Variants in PIK3C2G observed in about 807,000 individuals in gnomAD.
The protein encoded by PIK3C2G is phosphatidylinositol 3-kinase C2 domain-containing subunit gamma.
In PIK3C2G, 168 loss-of-function variants were observed where a neutral mutation model predicts 181.1. The ratio of observed to expected loss-of-function variants is 0.93; its 90% CI spans 0.82 to 1.05. PIK3C2G has a LOEUF of 1.05. Ranked by LOEUF, PIK3C2G falls within the 50% of genes least tolerant of loss-of-function variation. The probability of loss-of-function intolerance (pLI) is 0.00; values close to 1 mark genes in which losing one functional copy is unlikely to be tolerated. For missense variants in PIK3C2G, 1,869 were observed against 1,732.8 expected (o/e 1.08, Z -1.40); for synonymous variants, 573 against 592.2 (o/e 0.97, Z 0.47).
chr12:18,450,197 G>A (rs1287369616), intron 18 of PIK3C2G, among the ~76,000 whole-genome samples: 1 of 152,198 alleles, frequency 6.6e-6, no homozygotes, highest in Non-Finnish European at 1.5e-5. Context: ...CACAATCTCA[G>A]CTCACCGCAA....
At chr12:18,514,764 A>G (rs1942427490) in intron 24 of PIK3C2G, among the ~76,000 whole-genome samples, 1 of 151,920 alleles carries the variant, frequency 6.6e-6, no homozygotes, top group Non-Finnish European at 1.5e-5. Context: ...TCTGAGTAGG[A>G]CTTCCAACAC....
chr12:18,296,778 T>G (rs1949959124), intron 5 of PIK3C2G, among the ~76,000 whole-genome samples: 4 of 152,066 alleles, frequency 2.6e-5, no homozygotes, highest in Admixed American at 2.6e-4. Context: ...CCTGTCTGAT[T>G]TTAAATAATA....
chr12:18,411,834 A>C (rs576309897), intron 16 of PIK3C2G, among the ~76,000 whole-genome samples: 1 of 152,290 alleles, frequency 6.6e-6, no homozygotes, highest in South Asian at 2.1e-4. Flanking sequence ...AAAGGTTGAC[A>C]TTTGTTACAT....
chr12:18,349,581 A>T (rs540172895), intron 11 of PIK3C2G, among the ~76,000 whole-genome samples: 2 of 152,174 alleles, frequency 1.3e-5, no homozygotes, highest in Non-Finnish European at 2.9e-5. Context: ...TCCTTGATTC[A>T]TTACACTGAT....
intron 30 of PIK3C2G, among the ~76,000 whole-genome samples, chr12:18,595,815 C>T (rs1335654089): frequency 2.0e-5 from 3 of 152,094 alleles, no homozygotes; most frequent in Non-Finnish European, 2.9e-5. Flanking sequence ...TTTTATTTTG[C>T]ACTGAGCCCC....
the PIK3C2G span, among the ~76,000 whole-genome samples, chr12:18,690,833 T>C: frequency 6.6e-6 from 1 of 152,100 alleles, no homozygotes; most frequent in African/African-American, 2.4e-5. Flanking sequence ...GGATCCTAGT[T>C]CCACATGGTT....
the PIK3C2G span, among the ~76,000 whole-genome samples, chr12:18,707,789 C>G: frequency 2.0e-5 from 3 of 152,124 alleles, no homozygotes; most frequent in Non-Finnish European, 4.4e-5. Context: ...ACTGAGTCAC[C>G]TTGTTCAGCT....
chr12:18,667,728 T>C, the PIK3C2G span, among the ~76,000 whole-genome samples: 1 of 152,278 alleles, frequency 6.6e-6, no homozygotes, highest in South Asian at 2.1e-4. Context: ...AAATAAGCAA[T>C]AGTATTTCTA....
intron 1 of PIK3C2G, among the ~76,000 whole-genome samples, chr12:18,278,232 G>T (rs1027942656): frequency 1.3e-5 from 2 of 152,100 alleles, no homozygotes; most frequent in Non-Finnish European, 2.9e-5. Flanking sequence ...ATTTCATCAG[G>T]GCTGTATTCC....
intron 1 of PIK3C2G, among the ~76,000 whole-genome samples, chr12:18,268,915 ATTTC>A (rs923770738): frequency 1.4e-4 from 22 of 151,752 alleles, no homozygotes; most frequent in South Asian, 1.0e-3. Flanking sequence ...CAAAACTTAG[ATTTC>A]TTTCTTTTTT....
chr12:18,671,333 G>T, the PIK3C2G span, among the ~76,000 whole-genome samples: 1 of 151,696 alleles, frequency 6.6e-6, no homozygotes, highest in Non-Finnish European at 1.5e-5. Flanking sequence ...TTTTTTATTG[G>T]ACTGAATCCA....
At chr12:18,633,100 CAA>C (rs1555157501) in intron 31 of PIK3C2G, among the ~76,000 whole-genome samples, 1 of 152,108 alleles carries the variant, frequency 6.6e-6, no homozygotes, top group Admixed American at 6.6e-5. Flanking sequence ...TCCATACAAC[CAA>C]AAACATGCTA....
At chr12:18,432,090 T>C (rs914088104) in intron 18 of PIK3C2G, among the ~76,000 whole-genome samples, 2 of 152,240 alleles carry the variant, frequency 1.3e-5, no homozygotes, top group African/African-American at 2.4e-5. Flanking sequence ...AGAGATTTTA[T>C]GTAGTTCCTT....
chr12:18,567,172 A>G, intron 29 of PIK3C2G, 115 bp downstream of exon 29: 4 of 596,968 alleles, frequency 6.7e-6, no homozygotes, highest in Admixed American at 3.3e-5. Flanking sequence ...TCAAGGTGGG[A>G]TGATTGCTTA....
At chr12:18,247,517 G>A (rs995772181), upstream of PIK3C2G, 4 of 152,234 alleles carry the variant, frequency 2.6e-5, no homozygotes, top group African/African-American at 7.2e-5. Flanking sequence ...TGACCCACTG[G>A]TGGCCAATGC....
intron 24 of PIK3C2G, among the ~76,000 whole-genome samples, chr12:18,536,124 C>A (rs1006657895): frequency 1.3e-5 from 2 of 152,038 alleles, no homozygotes; most frequent in East Asian, 1.9e-4. Flanking sequence ...AAAATGCTAT[C>A]AAATTCAAAG....
the PIK3C2G span, among the ~76,000 whole-genome samples, chr12:18,698,500 G>A: frequency 6.6e-6 from 1 of 152,088 alleles, no homozygotes; most frequent in Non-Finnish European, 1.5e-5. Context: ...GGGTATCTAT[G>A]ACCAGCCCAA....
intron 6 of PIK3C2G, among the ~76,000 whole-genome samples, chr12:18,317,021 T>C (rs1950894290): frequency 6.7e-6 from 1 of 148,616 alleles, no homozygotes; most frequent in Admixed American, 6.7e-5. Context: ...CTTTTTTTTT[T>C]TTTTTTTTTT....
At chr12:18,580,909 A>T (rs1207180924) in intron 29 of PIK3C2G, among the ~76,000 whole-genome samples, 1 of 152,182 alleles carries the variant, frequency 6.6e-6, no homozygotes, top group Non-Finnish European at 1.5e-5. Context: ...CTTGCAGCCA[A>T]TTCTAGATGT....
Sources: allele counts gnomAD v4.1 joint callset (sites outside exome capture counted in the v4.1 genomes callset), GRCh38; gene constraint gnomAD v4.1.1; transcripts MANE v1.5; gene names NCBI Gene and HGNC (gene_info 2026-07-23, HGNC 2026-07-21).